UBE2Q2: variants seen among roughly 807,000 people sequenced by gnomAD.
UBE2Q2 encodes the protein ubiquitin-conjugating enzyme E2 Q2.
Under a neutral mutation model 59.9 loss-of-function variants are expected in UBE2Q2, and 54 were observed. The ratio of observed to expected loss-of-function variants is 0.90; its 90% confidence interval spans 0.72 to 1.13. The LOEUF is 1.13. UBE2Q2 is among the 50% of genes most tolerant of loss of function. The pLI is 0.00. For missense variants in UBE2Q2, 433 were observed against 441.9 expected (o/e 0.98, Z 0.18); for synonymous variants, 165 against 155.2 (o/e 1.06, Z -0.47).
chr15:75,885,776 G>A (rs1259285432), intron 9 of UBE2Q2, among the ~76,000 whole-genome samples: 2 of 152,214 alleles, frequency 1.3e-5, no homozygotes, highest in Non-Finnish European at 2.9e-5. Context: ...CAGGTTGGGT[G>A]TGAAATAGTT....
In UBE2Q2 at chr15:75,873,458, A is replaced by G; in HGVS notation, c.478A>G (p.Lys160Glu). The G allele has an allele frequency of 6.2e-7, 1 of 1,613,052 alleles. No individual in the cohort carries two copies. The highest frequency in any genetic ancestry group is 8.5e-7 in the Non-Finnish European group (1 of 1,179,850). ...AGAAGACTTAGATCACTATGAGATGAAGGAAGAAGAGCCTATTAGTGGGAA... is the reference window on the plus strand; with the variant it reads ...AGAAGACTTAGATCACTATGAGATGGAGGAAGAAGAGCCTATTAGTGGGAA... ...DIEDLDHYEMKEEEPISGKKS... is the reference protein window; with the variant it reads ...DIEDLDHYEMEEEEPISGKKS... Residue 160 changes from lysine to glutamate, a missense_variant, in exon 5 of 13, where the codon AAG (lysine) becomes GAG (glutamate). Coordinates refer to ENST00000267938, the MANE Select transcript of UBE2Q2 (RefSeq NM_173469.4).
chr15:75,873,643 A>AC, intron 5 of UBE2Q2, 75 bp downstream of exon 5: 1 of 1,488,682 alleles, frequency 6.7e-7, no homozygotes, highest in Non-Finnish European at 9.1e-7. Flanking sequence ...CAATTCATTA[A>AC]CATGCCCATC....
intron 1 of UBE2Q2, chr15:75,844,396 C>T: frequency 6.4e-7 from 1 of 1,551,488 alleles, no homozygotes; most frequent in East Asian, 2.4e-5. Context: ...GGAATGCAGA[C>T]TCTGGTGCTG....
intron 3 of UBE2Q2, among the ~76,000 whole-genome samples, chr15:75,860,240 G>A (rs1406849835): frequency 1.3e-5 from 2 of 152,050 alleles, no homozygotes; most frequent in African/African-American, 2.4e-5. Context: ...GCTGGTTTCC[G>A]TAAATGCTCT....
In UBE2Q2 at chr15:75,853,267, C is replaced by T. The variant is rs2593276; in HGVS notation, c.181-1119C>T. On this transcript the variant is annotated intron_variant, in intron 1 of 12. Coordinates refer to ENST00000267938, the MANE Select transcript of UBE2Q2 (RefSeq NM_173469.4). ...TGGGCTGATCACGAGATCAGGAGTT[C>T]AAGACCAGCCTGGCCAGCATGGTGA... Among the ~76,000 whole-genome samples, 1,474 of 152,126 alleles carry T rather than the reference C, an allele frequency of 9.7e-3. 26 individuals are homozygous for T. The highest frequency in any genetic ancestry group is 0.033 in the African/African-American group (1,365 of 41,498).
rs1271522790 is a variant in UBE2Q2, at chr15:75,843,630, C to A, written c.-37C>A. On this transcript the variant is annotated 5_prime_UTR_variant, in exon 1 of 13. Coordinates refer to ENST00000267938, the MANE Select transcript of UBE2Q2 (RefSeq NM_173469.4). ...CCCGGCTCCCCTTCCGCGCCCGGCT[C>A]CCCTTCCGCGCCCCTCCCGCCGGAG... 2 of 1,555,286 alleles carry A rather than the reference C, an allele frequency of 1.3e-6. No homozygotes were observed. The highest frequency in any genetic ancestry group is 1.7e-6 in the Non-Finnish European group (2 of 1,154,368).
At position 75,843,858 on chromosome 15, in the gene UBE2Q2, G is replaced by A. The variant is rs370761917; in HGVS notation, c.180+12G>A. On this transcript the variant is annotated intron_variant, in intron 1 of 12. Transcript: ENST00000267938. ...ACTGCAACATCACGGTGAGGCGCCC[G>A]GCCGCGGCCCCGCGGGGCAGGGCGA... 3 of 1,545,420 alleles carry A rather than the reference G, an allele frequency of 1.9e-6. 1 individual carries two copies. Among genetic ancestry groups the A allele is most frequent in the African/African-American group, 2.8e-5 (2 of 71,432 alleles).
At chr15:75,897,288 G>T (rs1899483373) in intron 12 of UBE2Q2, among the ~76,000 whole-genome samples, 1 of 151,798 alleles carries the variant, frequency 6.6e-6, no homozygotes, top group African/African-American at 2.4e-5. Context: ...ACCCCAGCTG[G>T]AGTGCAGTGG....
At chr15:75,877,848 G>C (rs190045790) in intron 6 of UBE2Q2, 113 bp from the exon 7 acceptor site, 1 of 868,862 alleles carries the variant, frequency 1.2e-6, no homozygotes, top group Non-Finnish European at 1.8e-6. Flanking sequence ...GTTGTTCCAT[G>C]TTTTAAGAGC....
chr15:75,852,732 C>CAAT (rs1896696136), intron 1 of UBE2Q2, among the ~76,000 whole-genome samples: 1 of 152,144 alleles, frequency 6.6e-6, no homozygotes, highest in African/African-American at 2.4e-5. Context: ...ATGCAGTACT[C>CAAT]AATAAGTGGT....
In UBE2Q2 at chr15:75,873,569, G is replaced by GT. The variant is rs749418119; in HGVS notation, c.588+2dup. On this transcript the variant is annotated splice_donor_variant, in intron 5 of 12. Coordinates refer to ENST00000267938, the MANE Select transcript of UBE2Q2 (RefSeq NM_173469.4). LOFTEE classifies it high-confidence loss of function. ...GACTCAAAGGCAAGACCATTTAAAT[G>GT]TAAGTGTGTGTAGATATCTAGAACC... 2 of 1,610,852 alleles carry GT rather than the reference G, an allele frequency of 1.2e-6. No individual in the cohort carries two copies.
chr15:75,893,910 C>T (rs1245835380), intron 11 of UBE2Q2, among the ~76,000 whole-genome samples: 2 of 152,178 alleles, frequency 1.3e-5, no homozygotes, highest in Non-Finnish European at 1.5e-5. Context: ...CTCCCCTCCT[C>T]TCCCTCCCTC....
chr15:75,844,094 C>A, intron 1 of UBE2Q2: 2 of 1,415,794 alleles, frequency 1.4e-6, no homozygotes, highest in Non-Finnish European at 1.8e-6. Context: ...TCTGGCCCAT[C>A]TCGGTCCCCG....
chr15:75,899,606 C>T lies in UBE2Q2; in HGVS notation c.*148C>T. 3.3e-6 allele frequency: 2 copies of T among 598,876 alleles called. No homozygotes were observed. The highest frequency in any genetic ancestry group is 5.5e-6 in the Non-Finnish European group (2 of 361,702). 37.1% of individuals were successfully genotyped at this position (598,876 alleles called of 1,614,324 possible). A position where few individuals can be genotyped will look rare whatever the true frequency, so the allele number is the denominator to read the frequency against. ...AGTGGATAATCTGTCATCTGACATC[C>T]AGTATAAGTTACAGCCTTTGCATTT... On this transcript the variant is annotated 3_prime_UTR_variant, in exon 13 of 13. Coordinates refer to ENST00000267938, the MANE Select transcript of UBE2Q2 (RefSeq NM_173469.4).
chr15:75,848,652 A>G (rs1238815869), intron 1 of UBE2Q2, among the ~76,000 whole-genome samples: 1 of 151,402 alleles, frequency 6.6e-6, no homozygotes, highest in Non-Finnish European at 1.5e-5. Flanking sequence ...TATATCCCTT[A>G]GTATCTTGAT....
chr15:75,843,740 G>A lies in UBE2Q2; in HGVS notation c.74G>A (p.Arg25His). Residue 25 changes from arginine (R) to histidine (H), a missense_variant, in exon 1 of 13, where the codon CGC (arginine) becomes CAC (histidine). Coordinates refer to ENST00000267938, the MANE Select transcript of UBE2Q2 (RefSeq NM_173469.4). Reference protein sequence around the residue: ...SIFDKNHERFRIVSWKLDELH... With the variant: ...SIFDKNHERFHIVSWKLDELH... ...TTCGACAAGAACCACGAGCGATTCCGCATCGTCAGTTGGAAGCTGGACGAG... is the reference window on the plus strand; with the variant it reads ...TTCGACAAGAACCACGAGCGATTCCACATCGTCAGTTGGAAGCTGGACGAG... The A allele has an allele frequency of 6.2e-7, 1 of 1,611,376 alleles. No homozygotes were observed.
At chr15:75,847,941 G>A (rs1221017268) in intron 1 of UBE2Q2, among the ~76,000 whole-genome samples, 1 of 152,080 alleles carries the variant, frequency 6.6e-6, no homozygotes, top group African/African-American at 2.4e-5. Flanking sequence ...TTTTTGATTG[G>A]TTAATTAAAT....
At chr15:75,860,076 T>C (rs1421661416) in intron 3 of UBE2Q2, 94 bp downstream of exon 3, 10 of 883,100 alleles carry the variant, frequency 1.1e-5, no homozygotes, top group East Asian at 5.5e-5. Context: ...GTTCAACTTA[T>C]TTAGAAGTTA....
chr15:75,886,602 T>C (rs1898788244), intron 9 of UBE2Q2, among the ~76,000 whole-genome samples: 1 of 152,088 alleles, frequency 6.6e-6, no homozygotes. Context: ...AAAACATTTT[T>C]ATCAGCCAGA....
Sources: gnomAD v4.1 joint callset for allele counts (sites outside exome capture counted in the v4.1 genomes callset) on GRCh38, gnomAD v4.1.1 for gene constraint, MANE v1.5 for transcripts, NCBI Gene and HGNC (gene_info 2026-07-23, HGNC 2026-07-21) for gene names.